The following FAM117B variants were observed in gnomAD, a reference collection of about 807,000 sequenced individuals.
FAM117B encodes the protein protein FAM117B.
In FAM117B, 22 loss-of-function variants were observed where a neutral mutation model predicts 52.8. The ratio of observed to expected loss-of-function variants is 0.42; its 90% confidence interval spans 0.30 to 0.59. FAM117B has a LOEUF of 0.59. Among genes scored for constraint, FAM117B ranks in the 20% least tolerant of loss-of-function variants. FAM117B has a pLI of 0.22. For synonymous variants in FAM117B, 309 were observed against 324.1 expected, an observed-to-expected ratio of 0.95 and a Z score of 0.50; for missense variants, 678 against 802.6, an observed-to-expected ratio of 0.84 and a Z score of 1.88.
chr2:202,755,524 C>T lies in FAM117B; in HGVS notation c.961-14C>T. On this transcript the variant is annotated splice_polypyrimidine_tract_variant and intron_variant, in intron 4 of 7. Coordinates refer to ENST00000392238, the MANE Select transcript of FAM117B (RefSeq NM_173511.4). ...GTAATGTTAAGCCTCTCTTCTCCAT[C>T]CCATTTTCTTAAGGCTCCTGTTCCA... 1 of 1,612,732 alleles carries T rather than the reference C, an allele frequency of 6.2e-7. No individual in the cohort carries two copies. The highest frequency in any genetic ancestry group is 8.5e-7 in the Non-Finnish European group (1 of 1,179,394).
chr2:202,748,263 C>T (rs905291291), intron 4 of FAM117B, among the ~76,000 whole-genome samples: 1 of 152,054 alleles, frequency 6.6e-6, no homozygotes, highest in Non-Finnish European at 1.5e-5. Context: ...TATCTCTTAC[C>T]ACATATAAAA....
intron 1 of FAM117B, among the ~76,000 whole-genome samples, chr2:202,695,220 T>C (rs1301793228): frequency 6.6e-6 from 1 of 152,196 alleles, no homozygotes; most frequent in Non-Finnish European, 1.5e-5. Context: ...TATGAGTAGC[T>C]TGTTCCTTTT....
At chr2:202,746,440 T>A (rs1036243046) in intron 4 of FAM117B, among the ~76,000 whole-genome samples, 1 of 151,748 alleles carries the variant, frequency 6.6e-6, no homozygotes, top group African/African-American at 2.4e-5. Context: ...TACCAAAACC[T>A]ATGAGATACA....
intron 6 of FAM117B, among the ~76,000 whole-genome samples, 165 bp from the exon 7 acceptor site, chr2:202,759,068 A>G (rs1262417927): frequency 6.6e-6 from 1 of 152,214 alleles, no homozygotes; most frequent in African/African-American, 2.4e-5. Flanking sequence ...AAGTGAAATA[A>G]ATATTTTATT....
chr2:202,731,246 C>A lies in FAM117B; in HGVS notation c.960+4883C>A, dbSNP rs552849068. On this transcript the variant is annotated intron_variant, in intron 4 of 7. Coordinates refer to ENST00000392238, the MANE Select transcript of FAM117B (RefSeq NM_173511.4). Reference sequence around the variant, plus strand: ...CAATGGGGAAATGCAATTCAAAACTCCAGTGAAATACCAGTTCATATGCAT... The same window carrying A: ...CAATGGGGAAATGCAATTCAAAACTACAGTGAAATACCAGTTCATATGCAT... 1.5e-4 allele frequency among the ~76,000 whole-genome samples: 22 copies of A among 147,016 alleles called. 1 individual carries two copies. The South Asian group carries it at 4.3e-3, about 29-fold the overall frequency.
At chr2:202,694,682 G>T (rs1690684072) in intron 1 of FAM117B, among the ~76,000 whole-genome samples, 1 of 152,068 alleles carries the variant, frequency 6.6e-6, no homozygotes, top group African/African-American at 2.4e-5. Flanking sequence ...TACAAAGCTG[G>T]TGGTTGGTTC....
intron 1 of FAM117B, among the ~76,000 whole-genome samples, chr2:202,680,162 A>G (rs899415259): frequency 2.0e-4 from 31 of 152,308 alleles, no homozygotes; most frequent in Admixed American, 1.7e-3. Flanking sequence ...AATTGAATGT[A>G]AGAGAAAGAT....
chr2:202,717,063 T>C (rs1257727688), intron 2 of FAM117B, among the ~76,000 whole-genome samples: 1 of 152,246 alleles, frequency 6.6e-6, no homozygotes, highest in East Asian at 1.9e-4. Context: ...TTAATGCTTA[T>C]GGATGCTAAT....
At chr2:202,705,943 A>G (rs1690863499) in intron 2 of FAM117B, among the ~76,000 whole-genome samples, 1 of 152,052 alleles carries the variant, frequency 6.6e-6, no homozygotes, top group South Asian at 2.1e-4. Flanking sequence ...CTTATAGGTG[A>G]TTTATCTGAG....
Position 202,635,039 on chromosome 2 carries a change from G to T in FAM117B, c.-149G>T. 1 of 1,107,488 alleles carries T rather than the reference G, an allele frequency of 9.0e-7. No individual in the cohort carries two copies. The highest frequency in any genetic ancestry group is 1.2e-6 in the Non-Finnish European group (1 of 867,080). 68.6% of individuals were successfully genotyped at this position (1,107,488 alleles called of 1,614,324 possible). Reference sequence around the variant, plus strand: ...CGGCTGCACCACCTCGTTGCTGCCTGCCCCGGCCCGGTCTCCCCCTGCACC... The same window carrying T: ...CGGCTGCACCACCTCGTTGCTGCCTTCCCCGGCCCGGTCTCCCCCTGCACC... On this transcript the variant is annotated 5_prime_UTR_variant, in exon 1 of 8. Coordinates refer to ENST00000392238, the MANE Select transcript of FAM117B (RefSeq NM_173511.4).
At chr2:202,669,034 T>G (rs1461355018) in intron 1 of FAM117B, among the ~76,000 whole-genome samples, 2 of 152,136 alleles carry the variant, frequency 1.3e-5, no homozygotes, top group Non-Finnish European at 2.9e-5. Context: ...GAATAATATA[T>G]GCCAAAAGTT....
chr2:202,662,945 ACT>A (rs550510105), intron 1 of FAM117B, among the ~76,000 whole-genome samples: 84 of 152,314 alleles, frequency 5.5e-4, no homozygotes, highest in South Asian at 1.0e-3. Flanking sequence ...GAAACATCAC[ACT>A]CTTATCCTGT....
At chr2:202,637,197 C>T (rs553922923) in intron 1 of FAM117B, among the ~76,000 whole-genome samples, 1 of 151,978 alleles carries the variant, frequency 6.6e-6, no homozygotes, top group South Asian at 2.1e-4. Context: ...GCGCCCGGCC[C>T]GAATAGTGTT....
In FAM117B at chr2:202,766,061, AACACACACACACACACAC is replaced by A. The variant is rs34556556; in HGVS notation, c.*326_*343del. 5.5e-4 allele frequency: 111 copies of A among 203,096 alleles called. No individual in the cohort carries two copies. The highest frequency in any genetic ancestry group is 1.7e-3 in the African/African-American group (66 of 39,838). The allele number at this position is 203,096 out of a possible 1,614,324, so 12.6% of individuals were successfully genotyped here. On this transcript the variant is annotated 3_prime_UTR_variant, in exon 8 of 8. Transcript: ENST00000392238. ...TTGTTTTCGAATTAGACTTCTTTAA[AACACACACACACACACAC>A]ACACACACACACACACACACACACA...
chr2:202,728,538 A>T (rs1691291314), intron 4 of FAM117B, among the ~76,000 whole-genome samples: 1 of 152,208 alleles, frequency 6.6e-6, no homozygotes, highest in Admixed American at 6.5e-5. Context: ...GATTTTACAG[A>T]TGAATTTGCC....
intron 1 of FAM117B, among the ~76,000 whole-genome samples, chr2:202,665,903 A>T (rs1461040108): frequency 5.3e-5 from 8 of 152,232 alleles, no homozygotes; most frequent in African/African-American, 1.7e-4. Context: ...AACTGGCAGG[A>T]CAGGAAATCT....
intron 1 of FAM117B, among the ~76,000 whole-genome samples, chr2:202,642,982 T>C (rs1179515298): frequency 6.6e-6 from 1 of 152,172 alleles, no homozygotes; most frequent in Admixed American, 6.6e-5. Context: ...GGAAAGATTT[T>C]CAAATGTCGT....
intron 1 of FAM117B, among the ~76,000 whole-genome samples, chr2:202,657,527 C>T (rs966987301): frequency 1.6e-4 from 24 of 152,016 alleles, no homozygotes; most frequent in African/African-American, 5.3e-4. Context: ...TGCTCTGTTG[C>T]CCATGCTGGA....
At chr2:202,637,555 A>G (rs1206386695) in intron 1 of FAM117B, among the ~76,000 whole-genome samples, 1 of 152,150 alleles carries the variant, frequency 6.6e-6, no homozygotes, top group Non-Finnish European at 1.5e-5. Flanking sequence ...ACTATTTTAA[A>G]CCTTTTGAGA....
Sources: allele counts gnomAD v4.1 joint callset (sites outside exome capture counted in the v4.1 genomes callset), GRCh38; gene constraint gnomAD v4.1.1; transcripts MANE v1.5; gene names NCBI Gene and HGNC (gene_info 2026-07-23, HGNC 2026-07-21).